EYA4: variants seen among roughly 807,000 people sequenced by gnomAD.
EYA4 encodes the protein EYA transcriptional coactivator and phosphatase 4.
Under a neutral mutation model 87.9 loss-of-function variants are expected in EYA4, and 31 were observed. The ratio of observed to expected loss-of-function variants is 0.35; its 90% CI spans 0.27 to 0.48. The LOEUF is 0.48. Ranked by LOEUF, EYA4 falls within the 20% of genes least tolerant of loss-of-function variation. The probability of loss-of-function intolerance (pLI) is 0.99; values close to 1 mark genes in which losing one functional copy is unlikely to be tolerated. For synonymous variants in EYA4, 263 were observed against 270.6 expected (o/e 0.97, Z 0.28); for missense variants, 678 against 761.4 (o/e 0.89, Z 1.29).
chr6:133,355,745 A>G (rs1450850401), intron 2 of EYA4, among the ~76,000 whole-genome samples: 1 of 152,212 alleles, frequency 6.6e-6, no homozygotes, highest in Non-Finnish European at 1.5e-5. Context: ...TTTTTATGTT[A>G]TGTATGTCAA....
At chr6:133,391,498 C>T (rs1460683320) in intron 3 of EYA4, among the ~76,000 whole-genome samples, 1 of 152,186 alleles carries the variant, frequency 6.6e-6, no homozygotes, top group Non-Finnish European at 1.5e-5. Context: ...CCCTTTGCTT[C>T]ACCGTTCTGT....
At chr6:133,492,991 T>A (rs1797318221) in intron 13 of EYA4, among the ~76,000 whole-genome samples, 1 of 152,168 alleles carries the variant, frequency 6.6e-6, no homozygotes, top group Admixed American at 6.5e-5. Flanking sequence ...GTTCATGGAC[T>A]AGAAGAATCA....
intron 11 of EYA4, among the ~76,000 whole-genome samples, chr6:133,479,901 A>G (rs1796058722): frequency 1.3e-5 from 2 of 152,104 alleles, no homozygotes; most frequent in South Asian, 4.1e-4. Flanking sequence ...AGTACTCTCT[A>G]CCTCCTAAGA....
chr6:133,400,248 G>T (rs1249931554), intron 3 of EYA4, among the ~76,000 whole-genome samples: 1 of 152,120 alleles, frequency 6.6e-6, no homozygotes, highest in Non-Finnish European at 1.5e-5. Context: ...GGTGGCTCAT[G>T]CCTGTAATCC....
intron 2 of EYA4, among the ~76,000 whole-genome samples, chr6:133,312,382 G>GCACACACACACA (rs78921867): frequency 1.4e-5 from 2 of 147,812 alleles, no homozygotes; most frequent in African/African-American, 5.0e-5. Flanking sequence ...AGAGGCGCGT[G>GCACACACACACA]CACACACACA....
At chr6:133,408,163 T>G (rs1788889354) in intron 3 of EYA4, among the ~76,000 whole-genome samples, 1 of 152,224 alleles carries the variant, frequency 6.6e-6, no homozygotes, top group Non-Finnish European at 1.5e-5. Flanking sequence ...ATCAATCATT[T>G]TACATTTGGC....
chr6:133,415,589 C>T (rs1399325060), intron 3 of EYA4, among the ~76,000 whole-genome samples: 1 of 152,132 alleles, frequency 6.6e-6, no homozygotes, highest in Non-Finnish European at 1.5e-5. Flanking sequence ...AAATTGTACC[C>T]TGCCTCCTCA....
In EYA4 at chr6:133,470,608, T is replaced by C. The variant is rs1441228621; in HGVS notation, c.970+1877T>C. ...TGGTTCCATATGAACTTTAAAGTAG[T>C]TTTTTCCAATTCTGTGAAGAAAGTC... is the stretch of plus-strand genomic sequence containing the variant. On this transcript the variant is annotated intron_variant, in intron 11 of 19. Coordinates refer to ENST00000355286, the MANE Select transcript of EYA4 (RefSeq NM_004100.5). Among the ~76,000 whole-genome samples, 4 of 40,488 alleles carry C rather than the reference T, an allele frequency of 9.9e-5. 2 individuals are homozygous for C. Among genetic ancestry groups the C allele is most frequent in the Non-Finnish European group, 1.7e-4 (4 of 23,636 alleles). 26.6% of individuals were successfully genotyped at this position (40,488 alleles called of 152,430 possible).
chr6:133,245,917 G>A (rs926891602), intron 1 of EYA4, among the ~76,000 whole-genome samples: 9 of 152,068 alleles, frequency 5.9e-5, no homozygotes, highest in Non-Finnish European at 1.2e-4. Flanking sequence ...GTCATTTTAC[G>A]CTTGAAATTT....
intron 3 of EYA4, among the ~76,000 whole-genome samples, chr6:133,408,132 T>G (rs538430374): frequency 2.6e-5 from 4 of 152,346 alleles, no homozygotes; most frequent in Admixed American, 2.6e-4. Context: ...TACTAAAAAC[T>G]TCAAGGTTGT....
At chr6:133,414,611 C>G (rs142427153) in intron 3 of EYA4, among the ~76,000 whole-genome samples, 328 of 152,280 alleles carry the variant, frequency 2.2e-3, no homozygotes, top group Middle Eastern at 6.8e-3. Flanking sequence ...TGGACTTCAC[C>G]TGGCTTCCTC....
At chr6:133,249,569 C>T (rs1385219915) in intron 1 of EYA4, among the ~76,000 whole-genome samples, 1 of 152,184 alleles carries the variant, frequency 6.6e-6, no homozygotes, top group Non-Finnish European at 1.5e-5. Flanking sequence ...TCTCATCTCT[C>T]ACTCCCCACT....
intron 1 of EYA4, among the ~76,000 whole-genome samples, chr6:133,246,474 A>C (rs115397121): frequency 0.021 from 3,234 of 151,324 alleles, 98 homozygotes; most frequent in African/African-American, 0.069. Context: ...CAGGTAGTTT[A>C]TTTAGGTTAT....
chr6:133,422,082 A>G (rs991866705), intron 3 of EYA4, among the ~76,000 whole-genome samples: 2 of 152,214 alleles, frequency 1.3e-5, no homozygotes, highest in African/African-American at 2.4e-5. Flanking sequence ...TTGCAAACAG[A>G]CAACAGCAGA....
At chr6:133,368,825 G>A (rs1289908049) in intron 2 of EYA4, among the ~76,000 whole-genome samples, 1 of 152,170 alleles carries the variant, frequency 6.6e-6, no homozygotes, top group Non-Finnish European at 1.5e-5. Flanking sequence ...GGGAGACAGC[G>A]CCGTCTTCAG....
At position 133,448,111 on chromosome 6, in the gene EYA4, G is replaced by A; in HGVS notation, c.209G>A (p.Gly70Glu). ...STSVTTNGTG[G>E]ENMTVLNTAD... The stretch of plus-strand genomic sequence containing the variant: ...ACTTTTATACTGTTCCTGTTCTCAG[G>A]GGAAAACATGACTGTTTTAAACACA... The change falls in exon 5 of 20, where the codon GGG becomes GAG. Residue 70 changes from glycine (G) to glutamate (E), a missense_variant and splice_region_variant. Gly to Glu is a moderately conservative substitution (Grantham distance 98, BLOSUM62 -2). Coordinates refer to ENST00000355286, the MANE Select transcript of EYA4 (RefSeq NM_004100.5). 1 of 1,610,796 alleles carries A rather than the reference G, an allele frequency of 6.2e-7. No individual in the cohort carries two copies. Among genetic ancestry groups the A allele is most frequent in the Non-Finnish European group, 8.5e-7 (1 of 1,176,998 alleles).
At chr6:133,274,107 G>A (rs1173498920) in intron 1 of EYA4, among the ~76,000 whole-genome samples, 1 of 152,034 alleles carries the variant, frequency 6.6e-6, no homozygotes, top group East Asian at 1.9e-4. Context: ...ATGGAGTAAA[G>A]ATATTTTTTG....
chr6:133,353,816 T>C (rs1422401009), intron 2 of EYA4, among the ~76,000 whole-genome samples: 2 of 152,202 alleles, frequency 1.3e-5, no homozygotes, highest in African/African-American at 4.8e-5. Context: ...TCTTGAGTAG[T>C]TTTAACTTCT....
intron 17 of EYA4, among the ~76,000 whole-genome samples, chr6:133,520,482 AAG>A (rs1276914896): frequency 8.3e-6 from 1 of 121,162 alleles, no homozygotes; most frequent in Admixed American, 9.8e-5. Context: ...AAGGAAATAA[AAG>A]AGGATACAAA....
Sources: allele counts gnomAD v4.1 joint callset (sites outside exome capture counted in the v4.1 genomes callset), GRCh38; gene constraint gnomAD v4.1.1; transcripts MANE v1.5; gene names NCBI Gene and HGNC (gene_info 2026-07-23, HGNC 2026-07-21).